SLC35A1: variants seen among roughly 807,000 people sequenced by gnomAD.
SLC35A1 encodes the protein solute carrier family 35 member A1.
SLC35A1 carries 21 observed loss-of-function variants against 40.3 expected under a neutral mutation model. The ratio of observed to expected loss-of-function variants is 0.52; its 90% CI spans 0.37 to 0.75. The LOEUF (loss-of-function observed/expected upper bound fraction) is 0.75, where lower values mean the gene tolerates loss of function less well. Ranked by LOEUF, SLC35A1 falls within the 30% of genes least tolerant of loss-of-function variation. The probability of loss-of-function intolerance (pLI) is 0.00; values close to 1 mark genes in which losing one functional copy is unlikely to be tolerated. For missense variants in SLC35A1, 297 were observed against 382.1 expected (o/e 0.78, Z 1.86); for synonymous variants, 146 against 147.3 (o/e 0.99, Z 0.06).
intron 7 of SLC35A1, 34 bp downstream of exon 7, chr6:87,509,209 G>A: frequency 6.2e-7 from 1 of 1,613,176 alleles, no homozygotes; most frequent in South Asian, 1.1e-5. Context: ...TTTTAACATG[G>A]AAGAGCCTCC....
At chr6:87,503,540 G>A (rs1174801561) in intron 4 of SLC35A1, among the ~76,000 whole-genome samples, 5 of 152,012 alleles carry the variant, frequency 3.3e-5, no homozygotes, top group Non-Finnish European at 7.4e-5. Flanking sequence ...GTGAAACCCC[G>A]TCTGTACTAA....
chr6:87,500,512 A>C lies in SLC35A1; in HGVS notation c.199A>C (p.Thr67Pro). Residue 67 changes from threonine to proline, a missense_variant, in exon 3 of 8, where the codon ACT (threonine) becomes CCT (proline). Physicochemically the swap from Thr to Pro is conservative, Grantham distance 38. Coordinates refer to ENST00000369552, the MANE Select transcript of SLC35A1 (RefSeq NM_006416.5). ...LLSVGILAKE[T>P]GSLGRFKASL... ...CTCCCCCTTTTGTTTTCAAAGAGAA[A>C]CTGGTAGTCTGGGTAGATTCAAAGC... The C allele has an allele frequency of 6.2e-7, 1 of 1,614,088 alleles. No homozygotes were observed. Among genetic ancestry groups the C allele is most frequent in the Non-Finnish European group, 8.5e-7 (1 of 1,179,988 alleles).
intron 2 of SLC35A1, among the ~76,000 whole-genome samples, chr6:87,493,431 T>C (rs547624069): frequency 2.6e-5 from 4 of 151,842 alleles, no homozygotes; most frequent in African/African-American, 9.7e-5. Flanking sequence ...TATATATGCA[T>C]GTGTATGCAT....
intron 7 of SLC35A1, among the ~76,000 whole-genome samples, chr6:87,510,524 ATATT>A (rs955038745): frequency 1.6e-4 from 24 of 152,242 alleles, no homozygotes; most frequent in Admixed American, 1.3e-3. Context: ...TCATATAAAT[ATATT>A]TATTTGTCAA....
intron 2 of SLC35A1, among the ~76,000 whole-genome samples, chr6:87,478,043 ATGTGTTTTT>A (rs1484586379): frequency 1.3e-5 from 2 of 152,180 alleles, no homozygotes; most frequent in Non-Finnish European, 2.9e-5. Context: ...GCACTGTGCT[ATGTGTTTTT>A]TGTGTTTTCT....
intron 1 of SLC35A1, among the ~76,000 whole-genome samples, chr6:87,475,682 T>A (rs943993195): frequency 6.6e-6 from 1 of 152,224 alleles, no homozygotes; most frequent in Non-Finnish European, 1.5e-5. Context: ...AACCATACTG[T>A]ATCTAAAGAT....
chr6:87,482,400 G>GT (rs1769270413), intron 2 of SLC35A1, among the ~76,000 whole-genome samples: 1 of 152,136 alleles, frequency 6.6e-6, no homozygotes, highest in Non-Finnish European at 1.5e-5. Flanking sequence ...GGAAAACCTT[G>GT]TAAGTTTGGT....
chr6:87,481,685 T>G (rs1769249887), intron 2 of SLC35A1, among the ~76,000 whole-genome samples: 1 of 152,206 alleles, frequency 6.6e-6, no homozygotes, highest in Non-Finnish European at 1.5e-5. Flanking sequence ...GATTTTAATG[T>G]CTGACCATAA....
chr6:87,486,230 G>T (rs1769385341), intron 2 of SLC35A1, among the ~76,000 whole-genome samples: 1 of 152,100 alleles, frequency 6.6e-6, no homozygotes, highest in African/African-American at 2.4e-5. Context: ...TACGGGAGTG[G>T]GAGGTGGGGG....
chr6:87,482,356 T>C (rs925547468), intron 2 of SLC35A1, among the ~76,000 whole-genome samples: 5 of 151,948 alleles, frequency 3.3e-5, no homozygotes, highest in African/African-American at 1.2e-4. Flanking sequence ...TAATACATAT[T>C]ACACTGCTAA....
chr6:87,473,256 C>G (rs1490459311), intron 1 of SLC35A1, among the ~76,000 whole-genome samples: 2 of 152,170 alleles, frequency 1.3e-5, no homozygotes, highest in African/African-American at 4.8e-5. Context: ...AGTCAGAGAC[C>G]GCACTGACCT....
chr6:87,505,152 T>C (rs748530385), intron 4 of SLC35A1, among the ~76,000 whole-genome samples: 2 of 152,220 alleles, frequency 1.3e-5, no homozygotes, highest in Non-Finnish European at 2.9e-5. Context: ...TTTCTCCTTT[T>C]ATCTTCATGC....
rs1400807189 is a variant in SLC35A1, at chr6:87,477,343, T to G, written c.17-19T>G. ...TATATTGTCTACTAAGTAATGTCTT[T>G]GTTGCACGTATTTTCCAGACAATGT... On this transcript the variant is annotated intron_variant, in intron 1 of 7. Coordinates refer to ENST00000369552, the MANE Select transcript of SLC35A1 (RefSeq NM_006416.5). 6.2e-7 allele frequency: 1 copy of G among 1,604,782 alleles called. No homozygotes were observed.
intron 2 of SLC35A1, among the ~76,000 whole-genome samples, chr6:87,494,507 C>T (rs1228256746): frequency 6.6e-6 from 1 of 151,248 alleles, no homozygotes; most frequent in Non-Finnish European, 1.5e-5. Context: ...ATTGCAAGCT[C>T]CGCCTCCTGG....
At chr6:87,510,951 T>A (rs1296023142) in intron 7 of SLC35A1, among the ~76,000 whole-genome samples, 1 of 152,108 alleles carries the variant, frequency 6.6e-6, no homozygotes, top group African/African-American at 2.4e-5. Context: ...TCATCTCCGA[T>A]TAAGAAATTA....
At chr6:87,478,868 G>A (rs549687412) in intron 2 of SLC35A1, among the ~76,000 whole-genome samples, 25 of 152,308 alleles carry the variant, frequency 1.6e-4, no homozygotes, top group Admixed American at 1.0e-3. Flanking sequence ...AATGGTGAGC[G>A]CACACCTGGA....
At chr6:87,511,308 C>A in intron 7 of SLC35A1, 91 bp from the exon 8 acceptor site, 3 of 1,369,496 alleles carry the variant, frequency 2.2e-6, no homozygotes, top group Non-Finnish European at 3.1e-6. Context: ...TAGTGTAAAC[C>A]CACAATTAAG....
chr6:87,480,176 C>T (rs760017487), intron 2 of SLC35A1, among the ~76,000 whole-genome samples: 1 of 152,184 alleles, frequency 6.6e-6, no homozygotes, highest in African/African-American at 2.4e-5. Flanking sequence ...TTCCCCGTGT[C>T]GTTAGAGACA....
chr6:87,476,284 A>C (rs1769067198), intron 1 of SLC35A1, among the ~76,000 whole-genome samples: 1 of 152,174 alleles, frequency 6.6e-6, no homozygotes, highest in Admixed American at 6.5e-5. Context: ...GCTAGTTGTA[A>C]GTTCTTATTG....
Sources: allele counts gnomAD v4.1 joint callset (sites outside exome capture counted in the v4.1 genomes callset), GRCh38; gene constraint gnomAD v4.1.1; transcripts MANE v1.5; gene names NCBI Gene and HGNC (gene_info 2026-07-23, HGNC 2026-07-21).